The following COL9A1 variants were observed in gnomAD, a reference collection of about 807,000 sequenced individuals.
COL9A1 encodes collagen type IX alpha 1 chain, also known as collagen alpha-1(IX) chain.
COL9A1 carries 104 observed loss-of-function variants against 142.6 expected under a neutral mutation model. That is an observed-to-expected ratio of 0.73 (90% CI 0.62 to 0.86). The LOEUF (loss-of-function observed/expected upper bound fraction) is 0.86, where lower values mean the gene tolerates loss of function less well. COL9A1 is among the 40% of genes least tolerant of loss of function. The pLI is 0.00. For missense variants in COL9A1, 1,210 were observed against 1,176.6 expected, an observed-to-expected ratio of 1.03 and a Z score of -0.42; for synonymous variants, 466 against 396.0, an observed-to-expected ratio of 1.18 and a Z score of -2.10.
chr6:70,242,026 C>T lies in COL9A1; in HGVS notation c.1936G>A (p.Gly646Ser). The T allele has an allele frequency of 1.9e-6, 3 of 1,594,152 alleles. No individual in the cohort carries two copies. The highest frequency in any genetic ancestry group is 2.3e-5 in the East Asian group (1 of 43,994). ...GGCAAGCCAGGGAGGCCAGGGCTAC[C>T]CAGAGAACCCTGGAAAGCAAAAACA... ...PGLPGKLGSL[G>S]SPGLPGLPGP... Residue 646 changes from glycine (G) to serine (S), a missense_variant, in exon 30 of 38, where the codon GGT becomes AGT. Physicochemically the swap from Gly to Ser is moderately conservative, Grantham distance 56 (BLOSUM62 0). Coordinates refer to ENST00000357250, the MANE Select transcript of COL9A1 (RefSeq NM_001851.6).
At chr6:70,294,070 A>G (rs1773754461) in intron 5 of COL9A1, 97 bp downstream of exon 5, 1 of 1,475,256 alleles carries the variant, frequency 6.8e-7, no homozygotes, top group Non-Finnish European at 9.5e-7. Flanking sequence ...CATCTGGGAC[A>G]TGCTGCACTC....
intron 32 of COL9A1, 63 bp downstream of exon 32, chr6:70,240,626 A>C: frequency 8.8e-7 from 1 of 1,131,418 alleles, no homozygotes; most frequent in Non-Finnish European, 1.3e-6. Flanking sequence ...AAGTATATAT[A>C]TATACTTCTA....
At chr6:70,294,616 GT>G in intron 4 of COL9A1, 53 bp from the exon 5 acceptor site, 1 of 1,562,664 alleles carries the variant, frequency 6.4e-7, no homozygotes, top group South Asian at 1.1e-5. Context: ...GTACCCATAT[GT>G]ATTTACCACA....
intron 36 of COL9A1, among the ~76,000 whole-genome samples, chr6:70,228,619 A>C (rs1490419112): frequency 1.3e-5 from 2 of 152,290 alleles, no homozygotes; most frequent in Non-Finnish European, 2.9e-5. Flanking sequence ...CTGTATAACC[A>C]TCTGCACTCA....
At chr6:70,232,860 T>C (rs770189715) in intron 35 of COL9A1, 89 bp from the exon 36 acceptor site, 77 of 1,255,962 alleles carry the variant, frequency 6.1e-5, no homozygotes, top group Non-Finnish European at 8.6e-5. Context: ...TGCCTTTTTT[T>C]CTAAATGTGT....
intron 5 of COL9A1, among the ~76,000 whole-genome samples, chr6:70,288,568 T>A (rs1264920014): frequency 6.6e-6 from 1 of 152,054 alleles, no homozygotes; most frequent in Non-Finnish European, 1.5e-5. Context: ...CTCAACCACA[T>A]CTCCATCATG....
intron 13 of COL9A1, 119 bp downstream of exon 13, chr6:70,271,946 T>C: frequency 9.3e-7 from 1 of 1,071,904 alleles, no homozygotes; most frequent in Admixed American, 1.9e-5. Flanking sequence ...CCTAAGATCT[T>C]GCAGGTAGAA....
chr6:70,288,132 T>C (rs1773523672), intron 5 of COL9A1, among the ~76,000 whole-genome samples: 1 of 152,134 alleles, frequency 6.6e-6, no homozygotes, highest in African/African-American at 2.4e-5. Flanking sequence ...CCAAACTAAC[T>C]CCTGATACTC....
Position 70,216,855 on chromosome 6 carries a change from C to G in COL9A1, c.*42G>C, listed in dbSNP as rs928180257. On this transcript the variant is annotated 3_prime_UTR_variant, in exon 38 of 38. Transcript: ENST00000357250. ...GGTGTTTCTCACCCAGGCTCCTTCACCAGGCGTGGTTCATGCAGACAGCCA... is the reference window on the plus strand; with the variant it reads ...GGTGTTTCTCACCCAGGCTCCTTCAGCAGGCGTGGTTCATGCAGACAGCCA... The G allele has an allele frequency of 1.2e-6, 2 of 1,609,168 alleles. No homozygotes were observed. Among genetic ancestry groups the G allele is most frequent in the Non-Finnish European group, 1.7e-6 (2 of 1,176,798 alleles).
At chr6:70,278,310 G>T (rs1007979502) in intron 10 of COL9A1, among the ~76,000 whole-genome samples, 2 of 152,158 alleles carry the variant, frequency 1.3e-5, no homozygotes, top group African/African-American at 4.8e-5. Context: ...TGCCTGGGGA[G>T]TCTAAAAATC....
chr6:70,283,008 C>CA, intron 6 of COL9A1, 90 bp from the exon 7 acceptor site: 1 of 1,612,984 alleles, frequency 6.2e-7, no homozygotes. Flanking sequence ...AGAGCCCCAA[C>CA]AGCAGCAGCC....
chr6:70,300,871 G>T (rs574059122), intron 2 of COL9A1, among the ~76,000 whole-genome samples: 17 of 152,238 alleles, frequency 1.1e-4, no homozygotes, highest in African/African-American at 3.9e-4. Flanking sequence ...AGCCAACCTT[G>T]GTCCAGTTCA....
At chr6:70,263,339 T>C (rs1241857489) in intron 18 of COL9A1, 42 bp from the exon 19 acceptor site, 2 of 1,564,630 alleles carry the variant, frequency 1.3e-6, no homozygotes, top group Non-Finnish European at 1.7e-6. Context: ...CCAAATGTTA[T>C]TCTAGCAAAC....
intron 11 of COL9A1, 43 bp downstream of exon 11, chr6:70,274,675 TC>T: frequency 2.7e-6 from 4 of 1,493,858 alleles, no homozygotes; most frequent in Non-Finnish European, 3.7e-6. Flanking sequence ...AAATTATACT[TC>T]AGCATTTTCG....
chr6:70,283,835 T>C lies in COL9A1; in HGVS notation c.697-15A>G, dbSNP rs1242969472. 5.7e-6 allele frequency: 9 copies of C among 1,589,946 alleles called. No homozygotes were observed. The highest frequency in any genetic ancestry group is 4.5e-5 in the East Asian group (2 of 44,476). On this transcript the variant is annotated splice_polypyrimidine_tract_variant and intron_variant, in intron 5 of 37. Transcript: ENST00000357250. The stretch of plus-strand genomic sequence containing the variant: ...TGAAGTTCAAACTGGAGAAAGGTAG[T>C]AGACAGTCAGGTAAGGTTTTTTGGA...
intron 37 of COL9A1, among the ~76,000 whole-genome samples, chr6:70,219,701 C>T (rs1768748919): frequency 6.6e-6 from 1 of 152,216 alleles, no homozygotes; most frequent in African/African-American, 2.4e-5. Context: ...CTCCAGCTAA[C>T]AGCTGTCATC....
chr6:70,252,694 A>G (rs1771023022), intron 26 of COL9A1, among the ~76,000 whole-genome samples: 1 of 152,166 alleles, frequency 6.6e-6, no homozygotes, highest in Non-Finnish European at 1.5e-5. Context: ...AAACTATTGA[A>G]ACTATTAAGA....
rs762456393 is a variant in COL9A1 at position 70,268,892 on chromosome 6, AAGAC to A, written c.1231-36_1231-33del. The A allele has an allele frequency of 1.1e-5, 18 of 1,608,046 alleles. No individual in the cohort carries two copies. In the African/African-American group the frequency reaches 1.3e-4, roughly 12 times the overall value. On this transcript the variant is annotated intron_variant, in intron 16 of 37. Transcript: ENST00000357250. The stretch of plus-strand genomic sequence containing the variant: ...GGGAGAGAGGGAACAAAGAGAAAGA[AAGAC>A]AGACAGAGTGCATAAACTAGGACTC...
At chr6:70,225,295 T>A (rs1321257316) in intron 37 of COL9A1, among the ~76,000 whole-genome samples, 1 of 152,204 alleles carries the variant, frequency 6.6e-6, no homozygotes, top group Non-Finnish European at 1.5e-5. Context: ...GCCTGGACTC[T>A]GGTGACAGGG....
Sources: allele counts gnomAD v4.1 joint callset (sites outside exome capture counted in the v4.1 genomes callset), GRCh38; gene constraint gnomAD v4.1.1; transcripts MANE v1.5; gene names NCBI Gene and HGNC (gene_info 2026-07-23, HGNC 2026-07-21).